The following DMD variants were observed in gnomAD, a reference collection of about 807,000 sequenced individuals.
DMD encodes mutant dystrophin.
A neutral mutation model predicts 330.1 loss-of-function variants in DMD; 63 were observed. The observed-to-expected ratio is 0.19, with a 90% CI of 0.16 to 0.24. The LOEUF (loss-of-function observed/expected upper bound fraction) is 0.24, where lower values mean the gene tolerates loss of function less well. Ranked by LOEUF, DMD falls within the 10% of genes least tolerant of loss-of-function variation. The probability of loss-of-function intolerance (pLI) is 1.00; values close to 1 mark genes in which losing one functional copy is unlikely to be tolerated. For missense variants in DMD, 3,344 were observed against 2,684.1 expected (o/e 1.25, Z -5.43); for synonymous variants, 1,223 against 959.8 (o/e 1.27, Z -5.07).
At chrX:32,913,132 G>A (rs1476680639) in intron 2 of DMD, among the ~76,000 whole-genome samples, 1 of 111,553 alleles carries the variant, frequency 9.0e-6, no homozygotes, top group Non-Finnish European at 1.9e-5. Context: ...GAGGAGATGG[G>A]ATAGCTTATT....
At chrX:32,778,232 T>A in intron 7 of DMD, among the ~76,000 whole-genome samples, 1 of 96,215 alleles carries the variant, frequency 1.0e-5, no homozygotes, top group East Asian at 3.2e-4. Context: ...TTTTAAAATG[T>A]CAGATCCTCG....
chrX:32,284,891 A>T (rs2148440744), intron 43 of DMD, among the ~76,000 whole-genome samples: 1 of 111,961 alleles, frequency 8.9e-6, no homozygotes, highest in African/African-American at 3.2e-5. Flanking sequence ...GGGTGGATCT[A>T]TTGGGGCTAG....
intron 59 of DMD, among the ~76,000 whole-genome samples, chrX:31,463,629 A>C (rs2066670209): frequency 8.9e-6 from 1 of 111,833 alleles, no homozygotes; most frequent in Admixed American, 9.5e-5. Context: ...GATGTCAAAA[A>C]ATAATTAAAA....
intron 7 of DMD, among the ~76,000 whole-genome samples, chrX:32,712,061 G>T (rs1012650730): frequency 8.9e-6 from 1 of 111,815 alleles, no homozygotes; most frequent in African/African-American, 3.2e-5. Context: ...CAAATTTCAA[G>T]TTTAAAATGT....
intron 6 of DMD, among the ~76,000 whole-genome samples, chrX:32,815,512 T>TACACACACAC (rs1384950902): frequency 2.0e-4 from 12 of 59,640 alleles, no homozygotes; most frequent in African/African-American, 9.3e-4. Flanking sequence ...TATATATATA[T>TACACACACAC]ATATATATAC....
chrX:31,591,686 C>CA (rs918831338), intron 55 of DMD, among the ~76,000 whole-genome samples: 3 of 110,876 alleles, frequency 2.7e-5, no homozygotes, highest in African/African-American at 9.8e-5. Flanking sequence ...AGCATTTCCC[C>CA]AGCCCCCAAT....
intron 9 of DMD, among the ~76,000 whole-genome samples, chrX:32,692,213 T>C (rs778964625): frequency 8.9e-6 from 1 of 112,340 alleles, no homozygotes; most frequent in East Asian, 2.8e-4. Context: ...GTGTAACTGT[T>C]GAAAATAACA....
intron 9 of DMD, among the ~76,000 whole-genome samples, chrX:32,653,315 A>T (rs1443952111): frequency 8.9e-6 from 1 of 111,919 alleles, no homozygotes; most frequent in Non-Finnish European, 1.9e-5. Flanking sequence ...TCTTTGATCC[A>T]TCTTGAATTC....
chrX:31,773,277 A>T lies in DMD; in HGVS notation c.7542+683T>A, dbSNP rs1222870141. Among the ~76,000 whole-genome samples the T allele has an allele frequency of 3.6e-5, 4 of 112,037 alleles. No homozygotes were observed. In the Admixed American group the frequency reaches 3.8e-4, roughly 11 times the overall value. The stretch of plus-strand genomic sequence containing the variant: ...TATAGTATATTTGATCTAGCTAGGT[A>T]AACCATATTTACATCAATGTATTCT... On this transcript the variant is annotated intron_variant, in intron 51 of 78. Coordinates refer to ENST00000357033, the MANE Select transcript of DMD (RefSeq NM_004006.3).
chrX:33,285,106 T>C, intron 1 of DMD, among the ~76,000 whole-genome samples: 1 of 111,750 alleles, frequency 8.9e-6, no homozygotes, highest in Middle Eastern at 4.7e-3. Flanking sequence ...TGCTTTGTAA[T>C]TGGGCTGATG....
At chrX:32,726,192 C>T (rs1287418978) in intron 7 of DMD, among the ~76,000 whole-genome samples, 2 of 111,234 alleles carry the variant, frequency 1.8e-5, no homozygotes, top group Non-Finnish European at 3.8e-5. Context: ...GTTAGCAAAT[C>T]AACCCATGAA....
chrX:32,528,808 C>A (rs1218310285), intron 17 of DMD, among the ~76,000 whole-genome samples: 2 of 110,747 alleles, frequency 1.8e-5, no homozygotes, highest in African/African-American at 6.6e-5. Context: ...ACAAACTCAA[C>A]CAATTGTCAA....
At position 31,134,154 on chromosome X, in the gene DMD, T is replaced by C. The variant is rs1422785167; in HGVS notation, c.10962A>G (p.Thr3654=). ...GTTGCTCCATCACCTCCTCTAACCC[T>C]GTGCTTGTGTCCTGGGGAGGACTGA... The part of the protein sequence containing the change: ...DLLSPPQDTS[T]GLEEVMEQLN... Residue 3654 remains threonine, a synonymous_variant, in exon 77 of 79, where the codon ACA becomes ACG. Transcript: ENST00000357033. The C allele has an allele frequency of 8.3e-7, 1 of 1,211,409 alleles. No homozygotes were observed. Among genetic ancestry groups the C allele is most frequent in the Admixed American group, 2.2e-5 (1 of 46,040 alleles).
intron 48 of DMD, among the ~76,000 whole-genome samples, chrX:31,869,583 G>A (rs1202096189): frequency 9.2e-6 from 1 of 108,159 alleles, no homozygotes; most frequent in Non-Finnish European, 1.9e-5. Context: ...GAACTAAAAC[G>A]TGACTGCCCA....
chrX:32,868,210 T>C (rs1332116643), intron 2 of DMD, among the ~76,000 whole-genome samples: 1 of 112,016 alleles, frequency 8.9e-6, no homozygotes, highest in African/African-American at 3.2e-5. Flanking sequence ...CACAGATCTG[T>C]GCAACCCGCA....
intron 11 of DMD, among the ~76,000 whole-genome samples, chrX:32,621,783 T>C (rs982342270): frequency 9.0e-6 from 1 of 110,907 alleles, no homozygotes; most frequent in Non-Finnish European, 1.9e-5. Flanking sequence ...CCCTGCTTTT[T>C]CTCTCTTCAT....
At chrX:32,918,366 G>A (rs746172813) in intron 2 of DMD, among the ~76,000 whole-genome samples, 10 of 111,098 alleles carry the variant, frequency 9.0e-5, no homozygotes, top group South Asian at 3.8e-4. Flanking sequence ...TTATTTTTTC[G>A]TGTGTGTGAC....
rs764294071 is a variant in DMD at position 31,121,442 on chromosome X, A to G, written c.*477T>C. 293 of 127,824 alleles carry G rather than the reference A, an allele frequency of 2.3e-3. 1 individual carries two copies. The highest frequency in any genetic ancestry group is 8.2e-3 in the African/African-American group (229 of 28,016). 10.5% of individuals were successfully genotyped at this position (127,824 alleles called of 1,213,427 possible). On this transcript the variant is annotated 3_prime_UTR_variant, in exon 79 of 79. Transcript: ENST00000357033. ...CTCAAAGTTTTGTGTGTGTGTGTGT[A>G]TGTGTGTGTGTGTGTGTTTGTTTTG...
In DMD at chrX:32,325,899, G is replaced by A. The variant is rs1358510829; in HGVS notation, c.5923-15623C>T. ...GCTCACTGCAAACTACACTTCCCAG[G>A]TTCAATTTATAAGCAACTAATTAAA... On this transcript the variant is annotated intron_variant, in intron 41 of 78. Coordinates refer to ENST00000357033, the MANE Select transcript of DMD (RefSeq NM_004006.3). Among the ~76,000 whole-genome samples the A allele has an allele frequency of 2.8e-5, 3 of 108,590 alleles. No individual in the cohort carries two copies. The East Asian group carries it at 8.6e-4, about 31-fold the overall frequency. 94.3% of individuals were successfully genotyped at this position (108,590 alleles called of 115,157 possible). A position where few individuals can be genotyped will look rare whatever the true frequency, so the allele number is the denominator to read the frequency against.
Sources: gnomAD v4.1 joint callset for allele counts (sites outside exome capture counted in the v4.1 genomes callset) on GRCh38, gnomAD v4.1.1 for gene constraint, MANE v1.5 for transcripts, NCBI Gene and HGNC (gene_info 2026-07-23, HGNC 2026-07-21) for gene names.